The following SLCO1B1 variants were observed in gnomAD, a reference collection of about 807,000 sequenced individuals.
SLCO1B1 encodes solute carrier organic anion transporter family member 1B1.
Under a neutral mutation model 70.1 loss-of-function variants are expected in SLCO1B1, and 81 were observed. That is an observed-to-expected ratio of 1.16 (90% CI 0.97 to 1.39). The LOEUF is 1.39. Among genes scored for constraint, SLCO1B1 ranks in the 40% most tolerant of loss-of-function variants. The probability of loss-of-function intolerance (pLI) is 0.00; values close to 1 mark genes in which losing one functional copy is unlikely to be tolerated. For missense variants in SLCO1B1, 895 were observed against 799.6 expected (o/e 1.12, Z -1.44); for synonymous variants, 283 against 271.5 (o/e 1.04, Z -0.42).
chr12:21,217,360 G>A, intron 12 of SLCO1B1, 57 bp downstream of exon 12: 1 of 1,287,340 alleles, frequency 7.8e-7, no homozygotes, highest in Non-Finnish European at 1.1e-6. Flanking sequence ...CACACCTAAT[G>A]ATATGCATAT....
At chr12:21,167,975 C>A (rs1389648253) in intron 2 of SLCO1B1, among the ~76,000 whole-genome samples, 2 of 139,432 alleles carry the variant, frequency 1.4e-5, no homozygotes, top group African/African-American at 3.0e-5. Context: ...TACCACCATG[C>A]GCAGGTAATT....
At chr12:21,209,108 G>C (rs1435407887) in intron 11 of SLCO1B1, among the ~76,000 whole-genome samples, 2 of 151,542 alleles carry the variant, frequency 1.3e-5, no homozygotes, top group Admixed American at 1.3e-4. Context: ...TGCACATTGT[G>C]CAGGTTAGTT....
chr12:21,209,850 G>C (rs375372579), intron 11 of SLCO1B1, among the ~76,000 whole-genome samples: 4 of 148,958 alleles, frequency 2.7e-5, no homozygotes, highest in Non-Finnish European at 5.9e-5. Flanking sequence ...GGCTGCATAA[G>C]TGTCTTCTTT....
intron 11 of SLCO1B1, 22 bp from the exon 12 acceptor site, chr12:21,217,097 T>C (rs1267134125): frequency 5.6e-6 from 9 of 1,606,130 alleles, no homozygotes; most frequent in East Asian, 2.2e-5. Flanking sequence ...TCTTATGTCA[T>C]ATTTTATACA....
intron 11 of SLCO1B1, among the ~76,000 whole-genome samples, chr12:21,209,819 G>C (rs1185559868): frequency 2.0e-5 from 3 of 151,766 alleles, no homozygotes; most frequent in Admixed American, 2.0e-4. Context: ...GTGATGATGA[G>C]CATTTTTTCA....
intron 1 of SLCO1B1, among the ~76,000 whole-genome samples, chr12:21,138,120 A>G (rs1591794936): frequency 6.6e-6 from 1 of 152,198 alleles, no homozygotes; most frequent in East Asian, 1.9e-4. Context: ...TGTCTCTCCT[A>G]TAAAAGGTCT....
At chr12:21,161,747 C>G (rs1027427771) in intron 2 of SLCO1B1, among the ~76,000 whole-genome samples, 3 of 152,084 alleles carry the variant, frequency 2.0e-5, no homozygotes, top group African/African-American at 7.2e-5. Flanking sequence ...TAGACTCACA[C>G]TTATAATCAT....
intron 8 of SLCO1B1, among the ~76,000 whole-genome samples, chr12:21,197,864 A>T (rs1442522691): frequency 6.6e-6 from 1 of 152,170 alleles, no homozygotes; most frequent in Non-Finnish European, 1.5e-5. Flanking sequence ...ATGCATCAGC[A>T]TTTGACAGTG....
At chr12:21,139,056 C>A (rs545413666) in intron 1 of SLCO1B1, among the ~76,000 whole-genome samples, 1 of 151,984 alleles carries the variant, frequency 6.6e-6, no homozygotes, top group African/African-American at 2.4e-5. Flanking sequence ...TGAAATAAAC[C>A]AGGTTTGGAG....
At chr12:21,152,731 T>C (rs1179026512) in intron 2 of SLCO1B1, among the ~76,000 whole-genome samples, 4 of 152,118 alleles carry the variant, frequency 2.6e-5, no homozygotes, top group African/African-American at 9.6e-5. Context: ...TAACACACCA[T>C]CTTATGAGGC....
intron 1 of SLCO1B1, among the ~76,000 whole-genome samples, chr12:21,132,587 T>G (rs1232002604): frequency 6.6e-6 from 1 of 152,242 alleles, no homozygotes; most frequent in African/African-American, 2.4e-5. Flanking sequence ...TGATGGCCAG[T>G]GATGATGAGC....
At position 21,211,250 on chromosome 12, in the gene SLCO1B1, A is replaced by G. The variant is rs528584279; in HGVS notation, c.1497+5217A>G. Among the ~76,000 whole-genome samples the G allele has an allele frequency of 2.0e-5, 3 of 152,268 alleles. No individual in the cohort carries two copies. The South Asian group carries it at 6.2e-4, about 32-fold the overall frequency. On this transcript the variant is annotated intron_variant, in intron 11 of 14. Coordinates refer to ENST00000256958, the MANE Select transcript of SLCO1B1 (RefSeq NM_006446.5). ...AATACGTCCCATCAATACCTAATTT[A>G]TTGAGAGTTTTTAGCATGAAGTGTT...
chr12:21,178,624 G>A lies in SLCO1B1; in HGVS notation c.530G>A (p.Gly177Asp). The A allele has an allele frequency of 6.2e-7, 1 of 1,608,480 alleles. No individual in the cohort carries two copies. The highest frequency in any genetic ancestry group is 8.5e-7 in the Non-Finnish European group (1 of 1,174,994). The change falls in exon 6 of 15, where the codon GGT becomes GAT. Residue 177 changes from glycine to aspartate, a missense_variant. By Grantham distance (94) the Gly-to-Asp change is moderately conservative. Transcript: ENST00000256958. ...TACATGTGGATATATGTGTTCATGG[G>A]TAATATGCTTCGTGGAATAGGGGAG... ...GSYMWIYVFM[G>D]NMLRGIGETP...
Position 21,164,810 on chromosome 12 carries a change from C to G in SLCO1B1, c.85-7840C>G, listed in dbSNP as rs544662668. On this transcript the variant is annotated intron_variant, in intron 2 of 14. Coordinates refer to ENST00000256958, the MANE Select transcript of SLCO1B1 (RefSeq NM_006446.5). Reference sequence around the variant, plus strand: ...GTCAACACATCTTTAAGAACTTTAACCTGTAAGGTCAGAATAGTCCCTTTT... The same window carrying G: ...GTCAACACATCTTTAAGAACTTTAAGCTGTAAGGTCAGAATAGTCCCTTTT... The G allele has an allele frequency of 5.3e-5, 26 of 487,530 alleles. No individual in the cohort carries two copies. In the East Asian group the frequency reaches 1.0e-3, roughly 19 times the overall value. The allele number at this position is 487,530 out of a possible 1,614,324, so 30.2% of individuals were successfully genotyped here.
At chr12:21,155,815 G>T (rs1009631813) in intron 2 of SLCO1B1, among the ~76,000 whole-genome samples, 5 of 152,130 alleles carry the variant, frequency 3.3e-5, no homozygotes, top group African/African-American at 1.2e-4. Flanking sequence ...TTGTTAACTA[G>T]TACTGCAGAA....
chr12:21,147,853 C>T (rs545718313), intron 2 of SLCO1B1, among the ~76,000 whole-genome samples: 4 of 152,166 alleles, frequency 2.6e-5, no homozygotes, highest in Non-Finnish European at 5.9e-5. Context: ...TCCTATTTCT[C>T]CACATCCTCT....
intron 2 of SLCO1B1, among the ~76,000 whole-genome samples, chr12:21,158,627 G>A (rs938884392): frequency 1.3e-5 from 2 of 152,084 alleles, no homozygotes; most frequent in African/African-American, 4.8e-5. Context: ...CCAGGAGGCA[G>A]AGGTTGCAGT....
At chr12:21,192,735 G>T (rs958927856) in intron 7 of SLCO1B1, among the ~76,000 whole-genome samples, 3 of 151,916 alleles carry the variant, frequency 2.0e-5, no homozygotes, top group African/African-American at 7.2e-5. Context: ...ATTTATCAGT[G>T]TGTACTGAGA....
At chr12:21,179,345 G>A (rs1285626088) in intron 7 of SLCO1B1, among the ~76,000 whole-genome samples, 1 of 152,082 alleles carries the variant, frequency 6.6e-6, no homozygotes, top group African/African-American at 2.4e-5. Flanking sequence ...GTTGATGGTG[G>A]CTTGGATGTT....
Sources: gnomAD v4.1 joint callset for allele counts (sites outside exome capture counted in the v4.1 genomes callset) on GRCh38, gnomAD v4.1.1 for gene constraint, MANE v1.5 for transcripts, NCBI Gene and HGNC (gene_info 2026-07-23, HGNC 2026-07-21) for gene names.